The following LYST variants were observed in gnomAD, a reference collection of about 807,000 sequenced individuals.
LYST encodes the protein lysosomal-trafficking regulator.
In LYST, 192 loss-of-function variants were observed where a neutral mutation model predicts 413.6. The observed-to-expected ratio is 0.46, with a 90% CI of 0.41 to 0.52. The LOEUF (loss-of-function observed/expected upper bound fraction) is 0.52. Among genes scored for constraint, LYST ranks in the 20% least tolerant of loss-of-function variants. The pLI is 0.00. For synonymous variants in LYST, 1,525 were observed against 1,567.3 expected (o/e 0.97, Z 0.64); for missense variants, 3,815 against 4,499.9 (o/e 0.85, Z 4.35).
At chr1:235,693,174 G>A (rs901028674) in intron 47 of LYST, among the ~76,000 whole-genome samples, 176 bp downstream of exon 47, 5 of 150,976 alleles carry the variant, frequency 3.3e-5, no homozygotes, top group Non-Finnish European at 5.9e-5. Flanking sequence ...AAAGTCAGCT[G>A]GGCGTGGTGG....
rs759733310 is a variant in LYST, at chr1:235,751,300, C to T, written c.7690G>A (p.Ala2564Thr). 8.1e-6 allele frequency: 13 copies of T among 1,613,158 alleles called. No homozygotes were observed. The highest frequency in any genetic ancestry group is 6.7e-5 in the African/African-American group (5 of 74,840). Residue 2564 changes from alanine to threonine, a missense_variant, in exon 28 of 53, where the codon GCA becomes ACA. Transcript: ENST00000389793. ...QAAMEFIRTTANHDSENLTDS... is the reference protein window; with the variant it reads ...QAAMEFIRTTTNHDSENLTDS... ...GTGAGGTTTTCAGAGTCATGATTTGCGGTGGTCCTTATAAATTCCATAGCA... is the reference window on the plus strand; with the variant it reads ...GTGAGGTTTTCAGAGTCATGATTTGTGGTGGTCCTTATAAATTCCATAGCA...
At chr1:235,811,324 T>A (rs1661226377) in intron 4 of LYST, among the ~76,000 whole-genome samples, 1 of 152,188 alleles carries the variant, frequency 6.6e-6, no homozygotes, top group African/African-American at 2.4e-5. Flanking sequence ...TAAGGATGTA[T>A]TATATTCTCA....
At chr1:235,773,786 T>G in intron 19 of LYST, 56 bp downstream of exon 19, 2 of 1,414,172 alleles carry the variant, frequency 1.4e-6, no homozygotes, top group Non-Finnish European at 2.0e-6. Flanking sequence ...TGGTAAATTT[T>G]GTGTTATATG....
intron 47 of LYST, among the ~76,000 whole-genome samples, chr1:235,691,475 T>G (rs1228873559): frequency 6.6e-6 from 1 of 152,172 alleles, no homozygotes; most frequent in Non-Finnish European, 1.5e-5. Context: ...AAATCAGGTA[T>G]AAAAGATGGC....
intron 47 of LYST, among the ~76,000 whole-genome samples, 161 bp downstream of exon 47, chr1:235,693,189 T>C (rs780585290): frequency 6.0e-5 from 9 of 150,130 alleles, no homozygotes; most frequent in Non-Finnish European, 7.4e-5. Flanking sequence ...TGGTGGCAGG[T>C]GCCTGTAGTC....
chr1:235,782,877 C>T (rs1277930275), intron 14 of LYST, among the ~76,000 whole-genome samples: 2 of 152,150 alleles, frequency 1.3e-5, no homozygotes, highest in African/African-American at 4.8e-5. Context: ...AATGCCAATA[C>T]TTTCTGCATT....
chr1:235,808,835 A>G lies in LYST; in HGVS notation c.1983T>C (p.Ala661=), dbSNP rs769513205. ...GACTGGATAAACTTGAGGAGAGTTC[A>G]GCATCACATAAGTTTCCCTGCAGTG... is the stretch of plus-strand genomic sequence containing the variant. ...EETLQGNLCD[A]ELSSSLSSPS... is the part of the protein sequence containing the mutation. The change falls in exon 5 of 53, where the codon GCT becomes GCC. Residue 661 remains alanine (A), a synonymous_variant. Transcript: ENST00000389793. 1 of 1,614,086 alleles carries G rather than the reference A, an allele frequency of 6.2e-7. No individual in the cohort carries two copies. The highest frequency in any genetic ancestry group is 8.5e-7 in the Non-Finnish European group (1 of 1,180,010).
intron 20 of LYST, 69 bp downstream of exon 20, chr1:235,770,090 AT>A: frequency 6.8e-7 from 1 of 1,476,390 alleles, no homozygotes; most frequent in Non-Finnish European, 9.4e-7. Context: ...TGCCACAAAA[AT>A]TTGATGTTCA....
Position 235,694,251 on chromosome 1 carries a change from G to A in LYST, c.10565-765C>T, listed in dbSNP as rs563590948. On this transcript the variant is annotated intron_variant, in intron 46 of 52. Coordinates refer to ENST00000389793, the MANE Select transcript of LYST (RefSeq NM_000081.4). ...GCTGGTCTCGAACTCCTGACCTCAA[G>A]TGATCTGCCCGCCTCGGCCTCCCAA... 9.4e-4 allele frequency among the ~76,000 whole-genome samples: 143 copies of A among 152,118 alleles called. No individual in the cohort carries two copies. The South Asian group carries it at 0.029, about 31-fold the overall frequency.
At chr1:235,856,234 C>T (rs1240370686) in intron 1 of LYST, among the ~76,000 whole-genome samples, 2 of 152,076 alleles carry the variant, frequency 1.3e-5, no homozygotes, top group Admixed American at 1.3e-4. Context: ...ATATTGAAAA[C>T]CAAACACTAT....
intron 28 of LYST, chr1:235,747,361 A>G (rs1666031149): frequency 2.8e-6 from 1 of 358,108 alleles, no homozygotes; most frequent in Middle Eastern, 3.9e-4. Context: ...AACATATATC[A>G]ATTTCTATAA....
intron 48 of LYST, among the ~76,000 whole-genome samples, chr1:235,682,049 G>A (rs546649677): frequency 5.3e-4 from 81 of 152,144 alleles, no homozygotes; most frequent in Non-Finnish European, 9.7e-4. Context: ...TGTGGCTCAC[G>A]TCTGTAATGC....
chr1:235,692,334 T>C (rs1175860774), intron 47 of LYST, among the ~76,000 whole-genome samples: 1 of 150,168 alleles, frequency 6.7e-6, no homozygotes, highest in African/African-American at 2.4e-5. Flanking sequence ...CTTCATCTCA[T>C]AACAAACCAA....
At chr1:235,797,816 T>C (rs150482417) in intron 10 of LYST, among the ~76,000 whole-genome samples, 78 of 152,204 alleles carry the variant, frequency 5.1e-4, no homozygotes, top group African/African-American at 1.8e-3. Context: ...CAAAGGATAC[T>C]ATCAACAAGT....
In LYST at chr1:235,815,548, C is replaced by G. The variant is rs7521343; in HGVS notation, c.193-2487G>C. Among the ~76,000 whole-genome samples the G allele has an allele frequency of 7.9e-3, 1,199 of 152,208 alleles. 20 individuals carry two copies. Among genetic ancestry groups the G allele is most frequent in the African/African-American group, 0.027 (1,117 of 41,528 alleles). ...GGCTTTTTCATAGAAAGCAAGACAG[C>G]TCAAAAGCTCCTAGATCTGATAAAT... On this transcript the variant is annotated intron_variant, in intron 3 of 52. Transcript: ENST00000389793.
upstream of LYST, among the ~76,000 whole-genome samples, chr1:235,870,159 G>A (rs2103224826): frequency 6.6e-6 from 1 of 152,218 alleles, no homozygotes; most frequent in South Asian, 2.1e-4. Flanking sequence ...CTTCTTGGGG[G>A]GTGTGGGGAG....
Position 235,661,855 on chromosome 1 carries a change from C to T in LYST, c.*1085G>A, listed in dbSNP as rs1157320434. 6.6e-6 allele frequency: 1 copy of T among 152,558 alleles called. No individual in the cohort carries two copies. Among genetic ancestry groups the T allele is most frequent in the African/African-American group, 2.4e-5 (1 of 41,440 alleles). 9.5% of individuals were successfully genotyped at this position (152,558 alleles called of 1,614,324 possible). ...GACGGCTCCAAGATGTTTAGGAATT[C>T]TGTCTTTATGGTATGTAAGTTTGCT... On this transcript the variant is annotated 3_prime_UTR_variant, in exon 53 of 53. Coordinates refer to ENST00000389793, the MANE Select transcript of LYST (RefSeq NM_000081.4).
Position 235,664,661 on chromosome 1 carries a change from G to A in LYST, c.11039-40C>T. On this transcript the variant is annotated intron_variant, in intron 50 of 52. Coordinates refer to ENST00000389793, the MANE Select transcript of LYST (RefSeq NM_000081.4). This position sits in a 1 kb window ranked among gnomAD's most constrained non-coding sequence, Gnocchi z 4.5. The stretch of plus-strand genomic sequence containing the variant: ...TCATCCGGCGGGTTACCAGAATGTG[G>A]CTGTCTCAGAGCCCACATTTGGCCC... The A allele has an allele frequency of 6.2e-7, 1 of 1,611,178 alleles. No individual in the cohort carries two copies. The highest frequency in any genetic ancestry group is 8.5e-7 in the Non-Finnish European group (1 of 1,177,762).
At chr1:235,839,044 C>T (rs760727044) in intron 1 of LYST, among the ~76,000 whole-genome samples, 5 of 151,920 alleles carry the variant, frequency 3.3e-5, no homozygotes, top group African/African-American at 4.8e-5. Flanking sequence ...AGGCTGGTCT[C>T]GAACTTCTGG....
Sources: allele counts gnomAD v4.1 joint callset (sites outside exome capture counted in the v4.1 genomes callset), GRCh38; gene constraint gnomAD v4.1.1; non-coding constraint Gnocchi (gnomAD v3.1); transcripts MANE v1.5; gene names NCBI Gene and HGNC (gene_info 2026-07-23, HGNC 2026-07-21).